The following FHAD1 variants were observed in gnomAD, a reference collection of about 807,000 sequenced individuals.
FHAD1 encodes forkhead-associated domain-containing protein 1.
FHAD1 carries 146 observed loss-of-function variants against 191.3 expected under a neutral mutation model. That is an observed-to-expected ratio of 0.76 (90% CI 0.67 to 0.88). The LOEUF is 0.88. Among genes scored for constraint, FHAD1 ranks in the 40% least tolerant of loss-of-function variants. The pLI, the probability that FHAD1 is intolerant of heterozygous loss-of-function variation, is 0.00. For missense variants in FHAD1, 1,635 were observed against 1,785.8 expected (o/e 0.92, Z 1.52); for synonymous variants, 616 against 672.3 (o/e 0.92, Z 1.29).
intron 20 of FHAD1, 55 bp downstream of exon 20, chr1:15,353,039 G>GCT (rs1258525210): frequency 1.5e-6 from 2 of 1,325,136 alleles, no homozygotes; most frequent in African/African-American, 2.9e-5. Flanking sequence ...GAAGGGCAGT[G>GCT]CTCTAGAGCC....
downstream of FHAD1, chr1:15,400,030 T>G (rs1001321528): frequency 6.6e-6 from 1 of 152,342 alleles, no homozygotes; most frequent in South Asian, 2.1e-4. Context: ...CCCTTCCAGC[T>G]TCTCTAGGTG....
Position 15,327,546 on chromosome 1 carries a change from A to C in FHAD1, c.1557+404A>C, listed in dbSNP as rs1436253186. The C allele has an allele frequency of 5.9e-6, 1 of 170,274 alleles. No homozygotes were observed. Among genetic ancestry groups the C allele is most frequent in the African/African-American group, 2.4e-5 (1 of 41,868 alleles). 10.5% of individuals were successfully genotyped at this position (170,274 alleles called of 1,614,324 possible). ...GTAATGATTGCCTTGCTGTTCTTCC[A>C]CTACACTTTCTAGCCCCCTGTGTCA... On this transcript the variant is annotated intron_variant, in intron 12 of 33. Transcript: ENST00000688493. The surrounding 1 kb of genome is among the most constrained non-coding windows in gnomAD (Gnocchi z 5.1).
chr1:15,319,359 TG>T (rs939534248), intron 10 of FHAD1, among the ~76,000 whole-genome samples: 2 of 152,218 alleles, frequency 1.3e-5, no homozygotes, highest in African/African-American at 4.8e-5. Context: ...CTGCAAAAGT[TG>T]GCCAGACATA....
At chr1:15,357,610 G>A (rs530861790) in intron 20 of FHAD1, among the ~76,000 whole-genome samples, 20 of 139,706 alleles carry the variant, frequency 1.4e-4, no homozygotes, top group Non-Finnish European at 2.6e-4. Flanking sequence ...GTGACAATGC[G>A]AGACTCCTCC....
Position 15,254,062 on chromosome 1 carries a change from C to T in FHAD1, c.93+2185C>T, listed in dbSNP as rs183112869. ...CATACCTTCCTTTGAGATTCTCATCCGTGACATGGTCTCCCTACAAGGACA... is the reference window on the plus strand; with the variant it reads ...CATACCTTCCTTTGAGATTCTCATCTGTGACATGGTCTCCCTACAAGGACA... On this transcript the variant is annotated intron_variant, in intron 2 of 33. Coordinates refer to ENST00000688493, the MANE Select transcript of FHAD1 (RefSeq NM_001391957.1). Among the ~76,000 whole-genome samples the T allele has an allele frequency of 1.6e-3, 249 of 152,232 alleles. 4 individuals are homozygous for T. The highest frequency in any genetic ancestry group is 3.4e-3 in the Middle Eastern group (1 of 294).
chr1:15,394,416 TA>T (rs1458399403), intron 33 of FHAD1, among the ~76,000 whole-genome samples: 1 of 152,304 alleles, frequency 6.6e-6, no homozygotes, highest in Non-Finnish European at 1.5e-5. Context: ...AAGGGTTGTT[TA>T]GGGGGGAAGG....
chr1:15,251,868 T>C lies in FHAD1; in HGVS notation c.84T>C (p.Leu28=). 1 of 1,552,296 alleles carries C rather than the reference T, an allele frequency of 6.4e-7. No homozygotes were observed. Among genetic ancestry groups the C allele is most frequent in the Non-Finnish European group, 8.7e-7 (1 of 1,147,114 alleles). ...TTGGAAGGCATGAAAATTCAGACCT[T>C]GTTTTACAGGTAAGAAGTCTTCCCA... The part of the protein sequence containing the change: ...TTIGRHENSD[L]VLQSPDIDNH... The change falls in exon 2 of 34, where the codon CTT becomes CTC. Residue 28 remains leucine (L), a synonymous_variant. Coordinates refer to ENST00000688493, the MANE Select transcript of FHAD1 (RefSeq NM_001391957.1).
At chr1:15,401,325 TTACTACGACGCTCTGCTACACA>T (rs1707121177), downstream of FHAD1, among the ~76,000 whole-genome samples, 1 of 152,164 alleles carries the variant, frequency 6.6e-6, no homozygotes, top group African/African-American at 2.4e-5. Context: ...AAATGGGCAT[TTACTACGACGCTCTGCTACACA>T]GCCCCCACCC....
chr1:15,284,478 CAAAA>C (rs34856227), intron 3 of FHAD1, among the ~76,000 whole-genome samples: 4 of 118,660 alleles, frequency 3.4e-5, no homozygotes, highest in African/African-American at 9.6e-5. Flanking sequence ...GACTCCATCT[CAAAA>C]AAAAAAAAAA....
chr1:15,321,362 G>T lies in FHAD1; in HGVS notation c.1366-3090G>T, dbSNP rs115219712. ...CTTATCAAAATCTAATATTTAGTGAGTTTTTAACTCTTACTATTTTAGTGG... is the reference window on the plus strand; with the variant it reads ...CTTATCAAAATCTAATATTTAGTGATTTTTTAACTCTTACTATTTTAGTGG... On this transcript the variant is annotated intron_variant, in intron 10 of 33. Transcript: ENST00000688493. 2.9e-3 allele frequency among the ~76,000 whole-genome samples: 445 copies of T among 152,272 alleles called. 2 individuals are homozygous for T. The highest frequency in any genetic ancestry group is 3.5e-3 in the Non-Finnish European group (241 of 68,024).
intron 10 of FHAD1, among the ~76,000 whole-genome samples, chr1:15,319,988 G>A (rs1168793313): frequency 6.6e-6 from 1 of 152,054 alleles, no homozygotes; most frequent in Non-Finnish European, 1.5e-5. Context: ...ATGCTCTCTG[G>A]GCTATCAATT....
rs543401814 is a variant in FHAD1 at position 15,271,140 on chromosome 1, GAAAAAA to G, written c.94-1165_94-1160del. ...GGCAACAGAGCGAGACTCCATCTCGGAAAAAAAAAAAAAAAAAAAAAAATTAGCTGG... is the reference window on the plus strand; with the variant it reads ...GGCAACAGAGCGAGACTCCATCTCGGAAAAAAAAAAAAAAAAATTAGCTGG... On this transcript the variant is annotated intron_variant, in intron 2 of 33. Transcript: ENST00000688493. Among the ~76,000 whole-genome samples, 50 of 76,680 alleles carry G rather than the reference GAAAAAA, an allele frequency of 6.5e-4. No homozygotes were observed. In the South Asian group the frequency reaches 0.022, roughly 34 times the overall value. 50.3% of individuals were successfully genotyped at this position (76,680 alleles called of 152,430 possible).
chr1:15,303,034 C>T (rs1245601715), intron 6 of FHAD1, among the ~76,000 whole-genome samples: 1 of 152,222 alleles, frequency 6.6e-6, no homozygotes, highest in Non-Finnish European at 1.5e-5. Context: ...TTCATTCATT[C>T]ATTCATCCAC....
chr1:15,305,799 C>T (rs1158198044), intron 6 of FHAD1: 1 of 445,528 alleles, frequency 2.2e-6, no homozygotes, highest in Admixed American at 2.4e-5. Context: ...GATTCTGAGG[C>T]CTCCCCGGCC....
At chr1:15,335,349 C>T (rs1167215998) in intron 14 of FHAD1, 2 of 152,186 alleles carry the variant, frequency 1.3e-5, no homozygotes, top group Non-Finnish European at 2.9e-5. Context: ...TCGTTTGTGT[C>T]TATTTCTGCA....
chr1:15,346,384 T>G (rs1458053088), intron 18 of FHAD1, among the ~76,000 whole-genome samples: 1 of 152,194 alleles, frequency 6.6e-6, no homozygotes, highest in Non-Finnish European at 1.5e-5. Flanking sequence ...TTAGCAAAAA[T>G]GGACTAGAAG....
intron 11 of FHAD1, 146 bp downstream of exon 11, chr1:15,324,705 T>A: frequency 3.1e-6 from 2 of 650,564 alleles, no homozygotes; most frequent in Admixed American, 4.9e-5. Flanking sequence ...GCAGAGGCTG[T>A]CTGCAGCTCC....
rs1180549809 is a variant in FHAD1 at position 15,360,523 on chromosome 1, G to T, written c.2782G>T (p.Ala928Ser). 1 of 1,551,714 alleles carries T rather than the reference G, an allele frequency of 6.4e-7. No individual in the cohort carries two copies. The highest frequency in any genetic ancestry group is 8.7e-7 in the Non-Finnish European group (1 of 1,146,936). Residue 928 changes from alanine to serine, a missense_variant, in exon 22 of 34, where the codon GCC becomes TCC. Transcript: ENST00000688493. ...RLILQQKMVK[A>S]LQDEQESQRH... Reference sequence around the variant, plus strand: ...AATCCTGCAGCAGAAGATGGTAAAGGCCCTCCAGGATGAGCAGGAATCACA... The same window carrying T: ...AATCCTGCAGCAGAAGATGGTAAAGTCCCTCCAGGATGAGCAGGAATCACA...
intron 31 of FHAD1, among the ~76,000 whole-genome samples, chr1:15,387,530 C>T (rs1045625221): frequency 6.6e-6 from 1 of 152,118 alleles, no homozygotes; most frequent in Admixed American, 6.5e-5. Context: ...AGAAGGATGA[C>T]TTGAGGCCAG....
Sources: gnomAD v4.1 joint callset for allele counts (sites outside exome capture counted in the v4.1 genomes callset) on GRCh38, gnomAD v4.1.1 for gene constraint, Gnocchi (gnomAD v3.1) non-coding constraint, MANE v1.5 for transcripts, NCBI Gene and HGNC (gene_info 2026-07-23, HGNC 2026-07-21) for gene names.